The following ACAD10 variants were observed in gnomAD, a reference collection of about 807,000 sequenced individuals.
The protein encoded by ACAD10 is ACAD-10.
Under a neutral mutation model 116.8 loss-of-function variants are expected in ACAD10, and 112 were observed. That is an observed-to-expected ratio of 0.96 (90% CI 0.82 to 1.12). ACAD10 has a LOEUF of 1.12. Ranked by LOEUF, ACAD10 falls within the 50% of genes most tolerant of loss-of-function variation. The pLI is 0.00. For missense variants in ACAD10, 1,259 were observed against 1,350.2 expected, an observed-to-expected ratio of 0.93 and a Z score of 1.06; for synonymous variants, 486 against 510.6, an observed-to-expected ratio of 0.95 and a Z score of 0.65.
intron 7 of ACAD10, among the ~76,000 whole-genome samples, chr12:111,717,346 CAA>C (rs779938001): frequency 5.7e-4 from 44 of 76,830 alleles, no homozygotes; most frequent in Non-Finnish European, 5.8e-4. Flanking sequence ...GACCCTGTCT[CAA>C]AAAAAAAAAA....
chr12:111,697,233 T>G (rs1888214071), intron 2 of ACAD10, among the ~76,000 whole-genome samples: 1 of 151,512 alleles, frequency 6.6e-6, no homozygotes, highest in East Asian at 2.0e-4. Flanking sequence ...AGATCAAGAC[T>G]CCGTCTTGGG....
At chr12:111,750,616 A>G (rs191909001) in intron 18 of ACAD10, among the ~76,000 whole-genome samples, 70 of 152,122 alleles carry the variant, frequency 4.6e-4, no homozygotes, top group Non-Finnish European at 4.4e-5. Flanking sequence ...TAAAAATCAG[A>G]CACCAGGGAG....
intron 7 of ACAD10, 32 bp from the exon 8 acceptor site, chr12:111,721,639 G>C: frequency 6.5e-7 from 1 of 1,541,268 alleles, no homozygotes; most frequent in Non-Finnish European, 8.9e-7. Flanking sequence ...AATTCAGCCA[G>C]CAATTTTGTT....
intron 1 of ACAD10, chr12:111,688,278 A>G (rs1197710797): frequency 6.6e-6 from 1 of 152,164 alleles, no homozygotes; most frequent in African/African-American, 2.4e-5. Context: ...GTTAAGTAAA[A>G]CTGAAAATGC....
chr12:111,722,878 C>A (rs1239218719), intron 8 of ACAD10, among the ~76,000 whole-genome samples: 2 of 152,142 alleles, frequency 1.3e-5, no homozygotes, highest in African/African-American at 4.8e-5. Context: ...GTCATCCTGG[C>A]CCGTTCTCAA....
intron 2 of ACAD10, among the ~76,000 whole-genome samples, chr12:111,696,917 T>C (rs375584902): frequency 4.4e-4 from 67 of 151,904 alleles, no homozygotes; most frequent in African/African-American, 1.5e-3. Context: ...CCGTCTCTAC[T>C]AAAAATACAA....
At chr12:111,688,871 A>G (rs1157103169) in intron 1 of ACAD10, among the ~76,000 whole-genome samples, 2 of 151,976 alleles carry the variant, frequency 1.3e-5, no homozygotes, top group African/African-American at 2.4e-5. Flanking sequence ...CAGGGCAAGC[A>G]AGATATGAGT....
At chr12:111,725,539 C>T (rs1889188847) in intron 8 of ACAD10, among the ~76,000 whole-genome samples, 1 of 149,202 alleles carries the variant, frequency 6.7e-6, no homozygotes, top group Non-Finnish European at 1.5e-5. Flanking sequence ...TTTTCTTCTT[C>T]TTCTTTTTTT....
intron 7 of ACAD10, 48 bp from the exon 8 acceptor site, chr12:111,721,623 C>G: frequency 6.8e-7 from 1 of 1,462,126 alleles, no homozygotes; most frequent in Non-Finnish European, 9.4e-7. Flanking sequence ...TCAAGAAAAT[C>G]TCATCAATTC....
At position 111,735,603 on chromosome 12, in the gene ACAD10, C is replaced by A. The variant is rs959370602; in HGVS notation, c.1541-1228C>A. ...CCTAAGTAGCTGGGACTACAGGCACCCACCACCACGCCCGGCTAAATTTTT... is the reference window on the plus strand; with the variant it reads ...CCTAAGTAGCTGGGACTACAGGCACACACCACCACGCCCGGCTAAATTTTT... On this transcript the variant is annotated intron_variant, in intron 11 of 20. Transcript: ENST00000313698. Among the ~76,000 whole-genome samples the A allele has an allele frequency of 2.0e-5, 3 of 151,754 alleles. No homozygotes were observed. In the East Asian group the frequency reaches 5.9e-4, roughly 30 times the overall value.
intron 12 of ACAD10, among the ~76,000 whole-genome samples, chr12:111,740,935 C>T (rs571859544): frequency 6.6e-6 from 1 of 152,256 alleles, no homozygotes; most frequent in Admixed American, 6.5e-5. Context: ...ACACCCCAAG[C>T]TTGCTGGCAG....
At chr12:111,723,687 C>A (rs1294483504) in intron 8 of ACAD10, among the ~76,000 whole-genome samples, 2 of 120,796 alleles carry the variant, frequency 1.7e-5, no homozygotes, top group South Asian at 2.8e-4. Context: ...GGGGCTGACC[C>A]CCCCCCCCAC....
At chr12:111,700,595 T>A (rs1045084557) in intron 2 of ACAD10, among the ~76,000 whole-genome samples, 1 of 152,154 alleles carries the variant, frequency 6.6e-6, no homozygotes, top group African/African-American at 2.4e-5. Context: ...AAATGCTATA[T>A]GCTTTAGCTC....
At position 111,744,945 on chromosome 12, in the gene ACAD10, T is replaced by C; in HGVS notation, c.2017T>C (p.Phe673Leu). Residue 673 changes from phenylalanine (F) to leucine (L), a missense_variant, in exon 13 of 21, where the codon TTC (phenylalanine) becomes CTC (leucine). Transcript: ENST00000313698. ...VRELYHRLKH[F>L]MEQRVYPAEP... The stretch of plus-strand genomic sequence containing the variant: ...AGAGCTGTATCACCGGCTGAAGCAC[T>C]TCATGGAGCAACGTGTGTACCCTGC... 1 of 1,614,136 alleles carries C rather than the reference T, an allele frequency of 6.2e-7. No individual in the cohort carries two copies. Among genetic ancestry groups the C allele is most frequent in the Non-Finnish European group, 8.5e-7 (1 of 1,180,042 alleles).
At position 111,749,301 on chromosome 12, in the gene ACAD10, C is replaced by T; in HGVS notation, c.2773C>T (p.Leu925=). Residue 925 remains leucine, a synonymous_variant, in exon 18 of 21, where the codon CTG becomes TTG. Coordinates refer to ENST00000313698, the MANE Select transcript of ACAD10 (RefSeq NM_025247.6). The part of the protein sequence containing the change: ...GPGRIHHCMR[L]IGFSERALAL... ...CGGCAGGATCCATCACTGCATGAGG[C>T]TGATCGGGTTCTCAGAGAGGGCCCT... 1 of 1,614,016 alleles carries T rather than the reference C, an allele frequency of 6.2e-7. No individual in the cohort carries two copies. The highest frequency in any genetic ancestry group is 1.1e-5 in the South Asian group (1 of 91,082).
intron 2 of ACAD10, among the ~76,000 whole-genome samples, chr12:111,697,570 A>G (rs1275391184): frequency 1.4e-5 from 2 of 142,986 alleles, no homozygotes; most frequent in East Asian, 2.3e-4. Context: ...CATGTTGACC[A>G]GGTTGGTCTC....
At chr12:111,706,781 TA>T (rs200746653) in intron 4 of ACAD10, among the ~76,000 whole-genome samples, 35 of 91,534 alleles carry the variant, frequency 3.8e-4, no homozygotes, top group Admixed American at 4.9e-4. Flanking sequence ...TATATATATA[TA>T]TTTTTTTTTT....
At chr12:111,739,482 C>T (rs1014527689) in intron 12 of ACAD10, among the ~76,000 whole-genome samples, 2 of 152,258 alleles carry the variant, frequency 1.3e-5, no homozygotes, top group South Asian at 2.1e-4. Context: ...TCAGGCTGGG[C>T]GTGGTGGCTC....
Position 111,733,905 on chromosome 12 carries a change from C to A in ACAD10, c.1395-18C>A. On this transcript the variant is annotated intron_variant, in intron 10 of 20. Coordinates refer to ENST00000313698, the MANE Select transcript of ACAD10 (RefSeq NM_025247.6). The stretch of plus-strand genomic sequence containing the variant: ...CAGTTTTCTTAGTGCTGTCTCTATT[C>A]CTCCTGCGACTTTTCAGGCTCGACA... 2 of 1,614,026 alleles carry A rather than the reference C, an allele frequency of 1.2e-6. No homozygotes were observed. The highest frequency in any genetic ancestry group is 1.7e-6 in the Non-Finnish European group (2 of 1,180,042).
Sources: gnomAD v4.1 joint callset for allele counts (sites outside exome capture counted in the v4.1 genomes callset) on GRCh38, gnomAD v4.1.1 for gene constraint, MANE v1.5 for transcripts, NCBI Gene and HGNC (gene_info 2026-07-23, HGNC 2026-07-21) for gene names.